MAP4: variants seen among roughly 807,000 people sequenced by gnomAD.
MAP4 encodes the protein microtubule associated protein 4.
A neutral mutation model predicts 170.2 loss-of-function variants in MAP4; 76 were observed. The ratio of observed to expected loss-of-function variants is 0.45; its 90% CI spans 0.37 to 0.54. The LOEUF is 0.54. MAP4 is among the 20% of genes least tolerant of loss of function. The pLI, the probability that MAP4 is intolerant of heterozygous loss-of-function variation, is 0.00. For missense variants in MAP4, 2,506 were observed against 2,748.0 expected (o/e 0.91, Z 1.97); for synonymous variants, 909 against 994.5 (o/e 0.91, Z 1.62).
intron 3 of MAP4, among the ~76,000 whole-genome samples, chr3:47,958,936 C>T (rs2100069591): frequency 6.6e-6 from 1 of 152,024 alleles, no homozygotes; most frequent in African/African-American, 2.4e-5. Flanking sequence ...CCCAACTCGG[C>T]CTCCCAAAGT....
chr3:48,029,624 A>G (rs1042409545), intron 1 of MAP4, among the ~76,000 whole-genome samples: 4 of 152,176 alleles, frequency 2.6e-5, no homozygotes, highest in African/African-American at 9.7e-5. Context: ...AATTCCATAC[A>G]TGTAGCTACA....
At chr3:47,975,390 G>T (rs1043481037) in intron 3 of MAP4, 1 of 1,554,132 alleles carries the variant, frequency 6.4e-7, no homozygotes, top group Non-Finnish European at 8.7e-7. Context: ...GAAGGTTTTA[G>T]AAGTATAACG....
intron 10 of MAP4, chr3:47,890,955 TA>T: frequency 7.8e-7 from 1 of 1,286,166 alleles, no homozygotes; most frequent in East Asian, 2.5e-5. Flanking sequence ...GCTCTGCCGG[TA>T]ATCTGTCACT....
intron 3 of MAP4, among the ~76,000 whole-genome samples, chr3:47,933,767 A>AT (rs2100051248): frequency 6.6e-6 from 1 of 151,704 alleles, no homozygotes; most frequent in Non-Finnish European, 1.5e-5. Context: ...CGCCCGGCTA[A>AT]TTTTTTGTAT....
At chr3:47,981,525 T>C (rs1578728631) in intron 2 of MAP4, among the ~76,000 whole-genome samples, 1 of 152,112 alleles carries the variant, frequency 6.6e-6, no homozygotes, top group East Asian at 1.9e-4. Context: ...ATCCCAGCAC[T>C]TTGGGAGGCT....
upstream of MAP4, among the ~76,000 whole-genome samples, chr3:48,019,412 TAA>T (rs1431082834): frequency 3.3e-5 from 5 of 152,112 alleles, no homozygotes; most frequent in Admixed American, 1.3e-4. Context: ...ATATAAATAT[TAA>T]AACTTTATAA....
intron 1 of MAP4, among the ~76,000 whole-genome samples, chr3:48,085,189 T>C (rs1341135794): frequency 6.9e-6 from 1 of 145,654 alleles, no homozygotes; most frequent in Admixed American, 6.8e-5. Context: ...ACGCTTAATC[T>C]TTAAAAAAAA....
chr3:48,030,120 G>A (rs1199191291), intron 1 of MAP4, among the ~76,000 whole-genome samples: 1 of 149,544 alleles, frequency 6.7e-6, no homozygotes, highest in Non-Finnish European at 1.5e-5. Context: ...CAGGTGTGGT[G>A]GCTCACGTCT....
At chr3:47,929,227 T>A (rs2100047904) in intron 3 of MAP4, among the ~76,000 whole-genome samples, 1 of 152,126 alleles carries the variant, frequency 6.6e-6, no homozygotes, top group African/African-American at 2.4e-5. Flanking sequence ...TGGTGATGCA[T>A]GCCTGTAATT....
At chr3:48,018,205 C>A (rs2100108774), upstream of MAP4, among the ~76,000 whole-genome samples, 1 of 152,094 alleles carries the variant, frequency 6.6e-6, no homozygotes, top group African/African-American at 2.4e-5. Context: ...GGTTGGGGAC[C>A]CCCCACTGTA....
intron 1 of MAP4, among the ~76,000 whole-genome samples, chr3:48,042,573 G>C (rs2100122184): frequency 6.6e-6 from 1 of 152,078 alleles, no homozygotes; most frequent in South Asian, 2.1e-4. Flanking sequence ...CCTACACCCA[G>C]TAGCATGACT....
chr3:47,865,377 C>T (rs1430251761), intron 17 of MAP4, among the ~76,000 whole-genome samples: 1 of 152,224 alleles, frequency 6.6e-6, no homozygotes, highest in Non-Finnish European at 1.5e-5. Flanking sequence ...GGATCTTTGT[C>T]ACCTCACTTC....
chr3:48,035,148 T>C (rs376096588), intron 1 of MAP4, among the ~76,000 whole-genome samples: 6 of 149,226 alleles, frequency 4.0e-5, no homozygotes, highest in African/African-American at 1.5e-4. Flanking sequence ...AAACTTCATA[T>C]TACAGTCCAA....
intron 1 of MAP4, among the ~76,000 whole-genome samples, chr3:48,074,655 C>G (rs2100142796): frequency 8.5e-6 from 1 of 116,966 alleles, no homozygotes; most frequent in African/African-American, 3.1e-5. Flanking sequence ...ATTACAGGGG[C>G]AAGCCACCAC....
chr3:48,043,299 C>T (rs1390518758), intron 1 of MAP4, among the ~76,000 whole-genome samples: 1 of 152,054 alleles, frequency 6.6e-6, no homozygotes, highest in Non-Finnish European at 1.5e-5. Flanking sequence ...CGGGGTTTTG[C>T]CATGTTGGTC....
chr3:47,975,544 C>T (rs1439833734), intron 3 of MAP4: 1 of 909,838 alleles, frequency 1.1e-6, no homozygotes, highest in Non-Finnish European at 1.8e-6. Flanking sequence ...CATTAGTAAA[C>T]AGCAAGTTCA....
intron 3 of MAP4, among the ~76,000 whole-genome samples, chr3:47,950,102 T>A (rs569020058): frequency 6.6e-6 from 1 of 152,332 alleles, no homozygotes; most frequent in East Asian, 1.9e-4. Context: ...CCGCCTTGGG[T>A]AGGCTCTCTC....
chr3:47,920,931 G>C (rs987399898), intron 5 of MAP4, among the ~76,000 whole-genome samples: 7 of 152,128 alleles, frequency 4.6e-5, no homozygotes, highest in Non-Finnish European at 1.0e-4. Context: ...GCTGAAGCGG[G>C]TGGATCACTT....
intron 1 of MAP4, among the ~76,000 whole-genome samples, chr3:48,001,061 A>C (rs1012559219): frequency 1.3e-5 from 2 of 152,180 alleles, no homozygotes; most frequent in Non-Finnish European, 2.9e-5. Flanking sequence ...CAAATCCAAC[A>C]AGCAAAGGGT....
Sources: gnomAD v4.1 joint callset for allele counts (sites outside exome capture counted in the v4.1 genomes callset) on GRCh38, gnomAD v4.1.1 for gene constraint, MANE v1.5 for transcripts, NCBI Gene and HGNC (gene_info 2026-07-23, HGNC 2026-07-21) for gene names.